LAS1L: variants seen among roughly 807,000 people sequenced by gnomAD.
LAS1L encodes ribosomal biogenesis protein LAS1L.
LAS1L carries 5 observed loss-of-function variants against 57.3 expected under a neutral mutation model. The ratio of observed to expected loss-of-function variants is 0.09; its 90% CI spans 0.05 to 0.18. The LOEUF is 0.18. Among genes scored for constraint, LAS1L ranks in the 10% least tolerant of loss-of-function variants. The pLI, the probability that LAS1L is intolerant of heterozygous loss-of-function variation, is 1.00. For missense variants in LAS1L, 360 were observed against 568.3 expected (o/e 0.63, Z 3.73); for synonymous variants, 245 against 231.7 (o/e 1.06, Z -0.52).
rs2069097345 is a variant in LAS1L at position 65,525,747 on chromosome X, T to TAAAAAAAAAAAAAAAAAA, written c.957-698_957-697insTTTTTTTTTTTTTTTTTT. On this transcript the variant is annotated intron_variant, in intron 7 of 13. Transcript: ENST00000374811. ...AAGGTCTTCACCAAGGTCTGATTTT[T>TAAAAAAAAAAAAAAAAAA]CAAAAAAAAAAAAAAAAAAAAGAAA... 5.2e-5 allele frequency among the ~76,000 whole-genome samples: 3 copies of TAAAAAAAAAAAAAAAAAA among 57,328 alleles called. No homozygotes were observed. In the African/African-American group the frequency reaches 1.5e-3, roughly 29 times the overall value. The allele number at this position is 57,328 out of a possible 115,157, so 49.8% of individuals were successfully genotyped here. A position where few individuals can be genotyped will look rare whatever the true frequency, so the allele number is the denominator to read the frequency against.
chrX:65,517,435 T>G lies in LAS1L; in HGVS notation c.1927+552A>C, dbSNP rs1268080086. ...GCTAATTTTTTTTTTGTATTTTTAG[T>G]AGAGACACGGTTTCACCATGTTAGC... On this transcript the variant is annotated intron_variant, in intron 12 of 13. Coordinates refer to ENST00000374811, the MANE Select transcript of LAS1L (RefSeq NM_031206.7). 3.6e-5 allele frequency among the ~76,000 whole-genome samples: 4 copies of G among 109,638 alleles called. No individual in the cohort carries two copies. The East Asian group carries it at 1.1e-3, about 32-fold the overall frequency.
chrX:65,531,106 C>T (rs550486489), intron 4 of LAS1L, among the ~76,000 whole-genome samples: 5 of 112,432 alleles, frequency 4.4e-5, no homozygotes, highest in Admixed American at 9.4e-5. Context: ...ATACTAATCC[C>T]GTTTTACTTA....
At chrX:65,525,422 T>G (rs1237593701) in intron 7 of LAS1L, among the ~76,000 whole-genome samples, 2 of 111,480 alleles carry the variant, frequency 1.8e-5, no homozygotes, top group Non-Finnish European at 3.8e-5. Flanking sequence ...GTCAAGGGCT[T>G]TTAGACTCAG....
chrX:65,531,330 T>C, intron 4 of LAS1L, 27 bp downstream of exon 4: 3 of 1,127,385 alleles, frequency 2.7e-6, no homozygotes, highest in Non-Finnish European at 2.4e-6. Flanking sequence ...GGCTTAACTG[T>C]GATAGGTATA....
chrX:65,525,832 G>C (rs888052685), intron 7 of LAS1L, among the ~76,000 whole-genome samples: 1 of 108,425 alleles, frequency 9.2e-6, no homozygotes, highest in African/African-American at 3.5e-5. Context: ...GCAACAGCAA[G>C]CTGATTCCTC....
intron 13 of LAS1L, among the ~76,000 whole-genome samples, chrX:65,513,350 C>T (rs1276759695): frequency 8.9e-6 from 1 of 111,886 alleles, no homozygotes; most frequent in Non-Finnish European, 1.9e-5. Flanking sequence ...ACTAGGCCCA[C>T]GATTGCAAGA....
chrX:65,534,356 G>T, intron 1 of LAS1L, 124 bp downstream of exon 1: 1 of 503,296 alleles, frequency 2.0e-6, no homozygotes, highest in Non-Finnish European at 3.3e-6. Flanking sequence ...CCAGGCATTT[G>T]GGAGAGGGAC....
intron 11 of LAS1L, chrX:65,522,228 G>C (rs1028742069): frequency 9.1e-6 from 1 of 110,072 alleles, no homozygotes; most frequent in Admixed American, 9.7e-5. Context: ...ATCAGTTCAC[G>C]AGGGCTGGAC....
At chrX:65,516,793 G>C (rs1429849141) in intron 12 of LAS1L, among the ~76,000 whole-genome samples, 1 of 110,266 alleles carries the variant, frequency 9.1e-6, no homozygotes. Flanking sequence ...GCAGGTACAG[G>C]AACATGCCCA....
At position 65,534,484 on chromosome X, in the gene LAS1L, T is replaced by C. The variant is rs2069703167; in HGVS notation, c.232A>G (p.Ser78Gly). ...GGGCCGAACCCGCCACCTTACCTGCTCCTCCACACCGTGATGCGGTTAAGC... is the reference window on the plus strand; with the variant it reads ...GGGCCGAACCCGCCACCTTACCTGCCCCTCCACACCGTGATGCGGTTAAGC... ...YALNRITVWR[S>G]RSGNELPLAV... The change falls in exon 1 of 14, where the codon AGC becomes GGC. Residue 78 changes from serine to glycine, a missense_variant. By Grantham distance (56) the Ser-to-Gly change is moderately conservative. Coordinates refer to ENST00000374811, the MANE Select transcript of LAS1L (RefSeq NM_031206.7). 8.4e-7 allele frequency: 1 copy of C among 1,196,519 alleles called. No individual in the cohort carries two copies. Among genetic ancestry groups the C allele is most frequent in the African/African-American group, 1.8e-5 (1 of 56,726 alleles).
At chrX:65,516,749 CTAAG>C (rs1342873462) in intron 12 of LAS1L, among the ~76,000 whole-genome samples, 1 of 110,099 alleles carries the variant, frequency 9.1e-6, no homozygotes, top group African/African-American at 3.3e-5. Context: ...CCTCCTTGCC[CTAAG>C]TTATTTGTCA....
intron 12 of LAS1L, among the ~76,000 whole-genome samples, chrX:65,517,475 T>C (rs747061161): frequency 9.1e-6 from 1 of 109,853 alleles, no homozygotes; most frequent in South Asian, 3.9e-4. Context: ...ATGGTCTCGA[T>C]CTCCTGACCT....
At position 65,512,879 on chromosome X, in the gene LAS1L, C is replaced by T; in HGVS notation, c.2101G>A (p.Val701Ile). Reference protein sequence around the residue: ...KTDTLGLSCGVGSGNCSNSSS... With the variant: ...KTDTLGLSCGIGSGNCSNSSS... ...CTGTTGCTGCAGTTGCCACTGCCGA[C>T]ACCACAGCTCAGGCCCAAGGTGCTG... The change falls in exon 14 of 14, where the codon GTC becomes ATC. Residue 701 changes from valine (V) to isoleucine (I), a missense_variant. This residue lies in a region of LAS1L where 123 missense variants were observed against 168.3 expected (regional missense o/e 0.73). Transcript: ENST00000374811. 8.6e-7 allele frequency: 1 copy of T among 1,167,436 alleles called. No individual in the cohort carries two copies. The highest frequency in any genetic ancestry group is 3.3e-5 in the East Asian group (1 of 30,768).
At position 65,512,892 on chromosome X, in the gene LAS1L, G is replaced by A; in HGVS notation, c.2088C>T (p.Gly696=). The A allele has an allele frequency of 8.6e-7, 1 of 1,166,758 alleles. No individual in the cohort carries two copies. Among genetic ancestry groups the A allele is most frequent in the Non-Finnish European group, 1.1e-6 (1 of 872,191 alleles). Residue 696 remains glycine (G), a synonymous_variant, in exon 14 of 14, where the codon GGC becomes GGT. Transcript: ENST00000374811. ...TGCCACTGCCGACACCACAGCTCAG[G>A]CCCAAGGTGCTGAGGAGAGAGTGGG... is the stretch of plus-strand genomic sequence containing the variant. ...EPSTCKTDTL[G]LSCGVGSGNC... is the part of the protein sequence containing the mutation.
At chrX:65,514,534 G>GCACACACACGCACA (rs1556298662) in intron 13 of LAS1L, among the ~76,000 whole-genome samples, 3 of 88,835 alleles carry the variant, frequency 3.4e-5, no homozygotes, top group African/African-American at 1.3e-4. Flanking sequence ...GTGTGTGCCT[G>GCACACACACGCACA]CACACACACA....
rs372814649 is a variant in LAS1L at position 65,534,577 on chromosome X, T to C, written c.139A>G (p.Ser47Gly). ...GTCACCTGGTCCCACTCGGCCCTGC[T>C]GAGCCAGGCGACCACGATGCCGTGG... ...SAHGIVVAWLSRAEWDQVTVY... is the reference protein window; with the variant it reads ...SAHGIVVAWLGRAEWDQVTVY... Residue 47 changes from serine to glycine, a missense_variant, in exon 1 of 14, where the codon AGC becomes GGC. Physicochemically the swap from Ser to Gly is moderately conservative, Grantham distance 56. This residue lies in a region of LAS1L where 25 missense variants were observed against 38.2 expected (regional missense o/e 0.65). Transcript: ENST00000374811. 4 of 1,206,138 alleles carry C rather than the reference T, an allele frequency of 3.3e-6. No homozygotes were observed. In the African/African-American group the frequency reaches 5.2e-5, roughly 16 times the overall value.
chrX:65,520,904 T>C, intron 11 of LAS1L: 1 of 754,449 alleles, frequency 1.3e-6, no homozygotes, highest in Non-Finnish European at 1.6e-6. Context: ...TATATACACA[T>C]GCCATGTTCC....
chrX:65,529,411 G>C (rs188092641), intron 5 of LAS1L, among the ~76,000 whole-genome samples, 153 bp from the exon 6 acceptor site: 1,387 of 111,587 alleles, frequency 0.012, 18 homozygotes, highest in African/African-American at 0.044. Context: ...TGGTTTGTGA[G>C]GCAAATGTGA....
At position 65,534,539 on chromosome X, in the gene LAS1L, G is replaced by A. The variant is rs1290094875; in HGVS notation, c.177C>T (p.Phe59=). The change falls in exon 1 of 14, where the codon TTC becomes TTT. Residue 59 remains phenylalanine (F), a synonymous_variant. Coordinates refer to ENST00000374811, the MANE Select transcript of LAS1L (RefSeq NM_031206.7). ...ACCGCTGCAACTTATGGTCGTCACAGAACAGATAAACCGTCACCTGGTCCC... is the reference window on the plus strand; with the variant it reads ...ACCGCTGCAACTTATGGTCGTCACAAAACAGATAAACCGTCACCTGGTCCC... ...AEWDQVTVYL[F]CDDHKLQRYA... The A allele has an allele frequency of 1.6e-5, 19 of 1,209,363 alleles. No homozygotes were observed. The highest frequency in any genetic ancestry group is 2.0e-5 in the Non-Finnish European group (18 of 894,280).
Sources: gnomAD v4.1 joint callset for allele counts (sites outside exome capture counted in the v4.1 genomes callset) on GRCh38, gnomAD v4.1.1 for gene constraint, gnomAD v4.1.1 regional missense constraint, MANE v1.5 for transcripts, NCBI Gene and HGNC (gene_info 2026-07-23, HGNC 2026-07-21) for gene names.